WIPF3: variants seen among roughly 807,000 people sequenced by gnomAD.
The protein encoded by WIPF3 is WAS/WASL interacting protein family member 3.
WIPF3 carries 33 observed loss-of-function variants against 38.9 expected under a neutral mutation model. The ratio of observed to expected loss-of-function variants is 0.85; its 90% CI spans 0.64 to 1.14. The LOEUF (loss-of-function observed/expected upper bound fraction) is 1.14. WIPF3 is among the 50% of genes most tolerant of loss of function. The pLI is 0.00. For synonymous variants in WIPF3, 324 were observed against 269.3 expected (o/e 1.20, Z -1.99); for missense variants, 711 against 652.5 (o/e 1.09, Z -0.98).
At chr7:29,910,556 G>C (rs910982514) in intron 8 of WIPF3, among the ~76,000 whole-genome samples, 1 of 151,956 alleles carries the variant, frequency 6.6e-6, no homozygotes, top group Non-Finnish European at 1.5e-5. Context: ...TATATTAAAA[G>C]GATTATATAC....
chr7:29,822,626 G>A (rs546055954), intron 1 of WIPF3, among the ~76,000 whole-genome samples: 1 of 152,342 alleles, frequency 6.6e-6, no homozygotes, highest in East Asian at 1.9e-4. Flanking sequence ...ACTTTGGAGA[G>A]CAGGGCTCTG....
chr7:29,858,063 A>G (rs1280790980), intron 2 of WIPF3, among the ~76,000 whole-genome samples: 1 of 152,224 alleles, frequency 6.6e-6, no homozygotes, highest in Non-Finnish European at 1.5e-5. Context: ...TAAGTGTCTT[A>G]CAGTCATATT....
intron 7 of WIPF3, among the ~76,000 whole-genome samples, chr7:29,898,536 C>T (rs868396091): frequency 2.6e-5 from 4 of 152,204 alleles, no homozygotes; most frequent in Non-Finnish European, 5.9e-5. Flanking sequence ...ATCCCCATCT[C>T]GCCCCAAGTC....
chr7:29,889,210 G>T, intron 6 of WIPF3, 96 bp from the exon 7 acceptor site: 1 of 964,948 alleles, frequency 1.0e-6, no homozygotes, highest in Non-Finnish European at 1.6e-6. Context: ...AGAAAACGGT[G>T]GATGCAGTCA....
intron 1 of WIPF3, among the ~76,000 whole-genome samples, chr7:29,830,302 C>A (rs1032068335): frequency 6.6e-6 from 1 of 151,378 alleles, no homozygotes; most frequent in Admixed American, 6.6e-5. Context: ...ATTACAGCCA[C>A]CTTTATGGGG....
At chr7:29,820,422 A>G (rs1784518195) in intron 1 of WIPF3, among the ~76,000 whole-genome samples, 1 of 151,796 alleles carries the variant, frequency 6.6e-6, no homozygotes, top group Admixed American at 6.6e-5. Flanking sequence ...TATGTTTGTT[A>G]TTATTTTTGT....
chr7:29,874,181 A>G (rs1785546051), intron 2 of WIPF3, among the ~76,000 whole-genome samples: 1 of 151,938 alleles, frequency 6.6e-6, no homozygotes. Flanking sequence ...TATGCCCTTA[A>G]GAGCAAAGAC....
At chr7:29,853,394 G>C (rs973139128) in intron 2 of WIPF3, among the ~76,000 whole-genome samples, 4 of 152,240 alleles carry the variant, frequency 2.6e-5, no homozygotes, top group Non-Finnish European at 4.4e-5. Flanking sequence ...GCTTCTCACA[G>C]GGACAGGTTC....
intron 2 of WIPF3, among the ~76,000 whole-genome samples, chr7:29,871,561 G>A (rs535092529): frequency 1.2e-4 from 19 of 152,286 alleles, no homozygotes; most frequent in African/African-American, 4.6e-4. Flanking sequence ...TCACAATTAC[G>A]AGTATTGGAA....
At chr7:29,807,927 ATAG>A (rs1032143736) in intron 1 of WIPF3, among the ~76,000 whole-genome samples, 16 of 152,300 alleles carry the variant, frequency 1.1e-4, no homozygotes, top group African/African-American at 3.8e-4. Context: ...CCCAGCATTA[ATAG>A]TTATCACTGG....
chr7:29,844,630 G>A lies in WIPF3; in HGVS notation c.90+9816G>A, dbSNP rs1056404761. Among the ~76,000 whole-genome samples the A allele has an allele frequency of 2.0e-5, 3 of 152,306 alleles. No homozygotes were observed. The highest frequency in any genetic ancestry group is 2.1e-4 in the South Asian group (1 of 4,826). On this transcript the variant is annotated intron_variant, in intron 2 of 8. Transcript: ENST00000242140. This position sits in a 1 kb window ranked among gnomAD's most constrained non-coding sequence, Gnocchi z 4.8. ...CGTGTGCCCCACTGCCTCCAGCTGC[G>A]TGAACGGGTTCAGTAAGTGGTACTG...
At chr7:29,905,407 A>G (rs1786375937) in intron 8 of WIPF3, 1 of 152,288 alleles carries the variant, frequency 6.6e-6, no homozygotes, top group African/African-American at 2.4e-5. Context: ...TCTGTGGACA[A>G]CAATTGCATT....
At chr7:29,890,597 G>A (rs551953474) in intron 7 of WIPF3, among the ~76,000 whole-genome samples, 40 of 152,356 alleles carry the variant, frequency 2.6e-4, no homozygotes, top group Non-Finnish European at 5.4e-4. Flanking sequence ...CTCTTTGCCC[G>A]TCTTCTTTCA....
intron 7 of WIPF3, among the ~76,000 whole-genome samples, chr7:29,897,755 C>T (rs887798773): frequency 6.6e-6 from 1 of 152,126 alleles, no homozygotes; most frequent in Admixed American, 6.5e-5. Flanking sequence ...TATTTATTTC[C>T]ATCTTTGCGG....
chr7:29,883,766 C>T, intron 4 of WIPF3, 84 bp from the exon 5 acceptor site: 1 of 1,482,574 alleles, frequency 6.7e-7, no homozygotes, highest in Non-Finnish European at 9.0e-7. Flanking sequence ...TGCGGGCAGG[C>T]TTGAGTGTCC....
chr7:29,883,938 C>G lies in WIPF3; in HGVS notation c.444C>G (p.Ala148=). 2.5e-6 allele frequency: 4 copies of G among 1,580,556 alleles called. No homozygotes were observed. Among genetic ancestry groups the G allele is most frequent in the Non-Finnish European group, 3.4e-6 (4 of 1,163,190 alleles). The stretch of plus-strand genomic sequence containing the variant: ...TCAGCGGCCCGCTTATCCCGCCTGC[C>G]TCTCCCAGGCTAGGCAATACCTCCG... ...KTISGPLIPP[A]SPRLGNTSEA... Residue 148 remains alanine, a synonymous_variant, in exon 5 of 9, where the codon GCC becomes GCG. Coordinates refer to ENST00000242140, the MANE Select transcript of WIPF3 (RefSeq NM_001080529.3).
chr7:29,816,990 C>G (rs1217890865), intron 1 of WIPF3, among the ~76,000 whole-genome samples: 1 of 152,170 alleles, frequency 6.6e-6, no homozygotes, highest in African/African-American at 2.4e-5. Flanking sequence ...CAATAATTGT[C>G]TGATTCCCTG....
chr7:29,884,725 C>A, intron 5 of WIPF3, 132 bp downstream of exon 5: 3 of 1,331,284 alleles, frequency 2.3e-6, no homozygotes, highest in Non-Finnish European at 3.0e-6. Context: ...GAGACTTGCC[C>A]AAAATCATGC....
At chr7:29,825,544 A>G (rs1250834326) in intron 1 of WIPF3, among the ~76,000 whole-genome samples, 5 of 152,220 alleles carry the variant, frequency 3.3e-5, no homozygotes, top group Admixed American at 3.3e-4. Flanking sequence ...AAGACAGGAA[A>G]TCAATATTTT....
Sources: allele counts gnomAD v4.1 joint callset (sites outside exome capture counted in the v4.1 genomes callset), GRCh38; gene constraint gnomAD v4.1.1; non-coding constraint Gnocchi (gnomAD v3.1); transcripts MANE v1.5; gene names NCBI Gene and HGNC (gene_info 2026-07-23, HGNC 2026-07-21).